Variants in SRRM4 observed in about 807,000 individuals in gnomAD.
SRRM4 encodes the protein serine/arginine repetitive matrix 4.
Under a neutral mutation model 68.9 loss-of-function variants are expected in SRRM4, and 33 were observed. That is an observed-to-expected ratio of 0.48 (90% CI 0.36 to 0.64). The LOEUF (loss-of-function observed/expected upper bound fraction) is 0.64, where lower values mean the gene tolerates loss of function less well. Ranked by LOEUF, SRRM4 falls within the 30% of genes least tolerant of loss-of-function variation. The pLI is 0.00. For synonymous variants in SRRM4, 318 were observed against 318.8 expected (o/e 1.00, Z 0.03); for missense variants, 817 against 827.1 (o/e 0.99, Z 0.15).
chr12:119,057,329 C>T (rs1953783079), intron 1 of SRRM4, among the ~76,000 whole-genome samples: 1 of 152,160 alleles, frequency 6.6e-6, no homozygotes, highest in Non-Finnish European at 1.5e-5. Context: ...ACTAGCTATT[C>T]TTCCTGATGC....
intron 1 of SRRM4, among the ~76,000 whole-genome samples, chr12:119,030,273 C>A (rs762796471): frequency 3.3e-5 from 5 of 152,164 alleles, no homozygotes; most frequent in Non-Finnish European, 7.4e-5. Context: ...AGAACCTCCC[C>A]ACAAGGGAGG....
In SRRM4 at chr12:119,101,980, T is replaced by A. The variant is rs1011691350; in HGVS notation, c.132-256T>A. On this transcript the variant is annotated intron_variant, in intron 1 of 12. Coordinates refer to ENST00000267260, the MANE Select transcript of SRRM4 (RefSeq NM_194286.4). ...CTTTCCTTCATCAAATAGTTTCACCTTTCAGAATGCGTGGACTCTAAAGTC... is the reference window on the plus strand; with the variant it reads ...CTTTCCTTCATCAAATAGTTTCACCATTCAGAATGCGTGGACTCTAAAGTC... Among the ~76,000 whole-genome samples, 6 of 152,312 alleles carry A rather than the reference T, an allele frequency of 3.9e-5. No homozygotes were observed. The East Asian group carries it at 1.2e-3, about 29-fold the overall frequency.
chr12:119,156,894 G>C lies in SRRM4; in HGVS notation c.*96G>C, dbSNP rs1418247907. ...GCCTTCTTGGTGACAAATAGTGAGG[G>C]CTCCTATACCTTGTCCTTCCTGCTT... On this transcript the variant is annotated 3_prime_UTR_variant, in exon 13 of 13. Transcript: ENST00000267260. 7.2e-7 allele frequency: 1 copy of C among 1,393,868 alleles called. No individual in the cohort carries two copies. Among genetic ancestry groups the C allele is most frequent in the East Asian group, 2.5e-5 (1 of 39,778 alleles). The allele number at this position is 1,393,868 out of a possible 1,614,324, so 86.3% of individuals were successfully genotyped here.
rs1021210972 is a variant in SRRM4 at position 119,162,137 on chromosome 12, C to T, written c.*5339C>T. ...GCTCAAGCCCTGATGCTATGGACTC[C>T]ATACTGTTGGATATATTGTCTCTTG... On this transcript the variant is annotated 3_prime_UTR_variant, in exon 13 of 13. Transcript: ENST00000267260. The T allele has an allele frequency of 1.3e-5, 2 of 152,158 alleles. No individual in the cohort carries two copies. The highest frequency in any genetic ancestry group is 1.3e-4 in the Admixed American group (2 of 15,270). 9.4% of individuals were successfully genotyped at this position (152,158 alleles called of 1,614,324 possible).
chr12:118,990,374 G>C (rs915142976), intron 1 of SRRM4, among the ~76,000 whole-genome samples: 1 of 152,170 alleles, frequency 6.6e-6, no homozygotes, highest in Non-Finnish European at 1.5e-5. Flanking sequence ...ACAGACACAC[G>C]TAGATGTGAA....
At chr12:119,127,501 GCAGATCAC>G (rs1181538607) in intron 7 of SRRM4, among the ~76,000 whole-genome samples, 1 of 152,126 alleles carries the variant, frequency 6.6e-6, no homozygotes, top group Non-Finnish European at 1.5e-5. Flanking sequence ...GCCGAGGTGG[GCAGATCAC>G]CTGAGGTCAG....
chr12:118,991,577 C>T (rs143893943), intron 1 of SRRM4: 199 of 152,352 alleles, frequency 1.3e-3, no homozygotes, highest in African/African-American at 4.6e-3. Context: ...ATCTCTTCCC[C>T]CAGATACGCA....
intron 1 of SRRM4, among the ~76,000 whole-genome samples, chr12:119,080,484 A>G (rs879678968): frequency 2.0e-5 from 3 of 152,212 alleles, no homozygotes; most frequent in Admixed American, 6.5e-5. Context: ...GGTTATAAAC[A>G]TTTAAGGTTA....
chr12:119,135,656 A>T (rs934509462), intron 8 of SRRM4, among the ~76,000 whole-genome samples: 1 of 152,110 alleles, frequency 6.6e-6, no homozygotes, highest in Non-Finnish European at 1.5e-5. Flanking sequence ...TGCTAGGCCA[A>T]TTCTTTACAT....
intron 8 of SRRM4, among the ~76,000 whole-genome samples, chr12:119,137,430 A>C (rs931235865): frequency 2.0e-5 from 3 of 152,174 alleles, no homozygotes; most frequent in Admixed American, 6.5e-5. Flanking sequence ...AAAACAATAA[A>C]TAACAGTGCC....
At chr12:119,097,777 C>T (rs1954054559) in intron 1 of SRRM4, among the ~76,000 whole-genome samples, 1 of 152,188 alleles carries the variant, frequency 6.6e-6, no homozygotes, top group Admixed American at 6.5e-5. Flanking sequence ...CACCCCAGGG[C>T]TCTGGCAGTA....
rs1565920914 is a variant in SRRM4, at chr12:119,154,397, G to A, written c.1532+14G>A. 1.9e-6 allele frequency: 3 copies of A among 1,611,304 alleles called. No individual in the cohort carries two copies. Among genetic ancestry groups the A allele is most frequent in the African/African-American group, 2.7e-5 (2 of 75,042 alleles). On this transcript the variant is annotated intron_variant, in intron 12 of 12. Coordinates refer to ENST00000267260, the MANE Select transcript of SRRM4 (RefSeq NM_194286.4). This position sits in a 1 kb window ranked among gnomAD's most constrained non-coding sequence, Gnocchi z 4.7. The stretch of plus-strand genomic sequence containing the variant: ...GAGGATAACCAGGTGAGGCCAGGGG[G>A]CAAGGGGGACCCACCTTCATCCTCG...
chr12:119,048,316 A>C (rs1222900239), intron 1 of SRRM4, among the ~76,000 whole-genome samples: 2 of 152,214 alleles, frequency 1.3e-5, no homozygotes, highest in African/African-American at 4.8e-5. Context: ...CATGAAGGGA[A>C]ATAATTCCCA....
At chr12:119,026,812 C>T (rs1953551835) in intron 1 of SRRM4, among the ~76,000 whole-genome samples, 1 of 152,116 alleles carries the variant, frequency 6.6e-6, no homozygotes, top group Non-Finnish European at 1.5e-5. Flanking sequence ...GCTGGGATTA[C>T]AGGCATGAGC....
chr12:119,062,540 C>G (rs1342355343), intron 1 of SRRM4, among the ~76,000 whole-genome samples: 1 of 152,154 alleles, frequency 6.6e-6, no homozygotes, highest in African/African-American at 2.4e-5. Context: ...TCTTTATATC[C>G]TTATTCTACT....
chr12:119,002,279 T>C (rs1291605471), intron 1 of SRRM4, among the ~76,000 whole-genome samples: 1 of 152,180 alleles, frequency 6.6e-6, no homozygotes, highest in Non-Finnish European at 1.5e-5. Context: ...AGTTACCTGC[T>C]CTGACGGTTT....
At chr12:119,019,151 G>A (rs1198709504) in intron 1 of SRRM4, among the ~76,000 whole-genome samples, 1 of 152,186 alleles carries the variant, frequency 6.6e-6, no homozygotes, top group African/African-American at 2.4e-5. Context: ...GAGAGGATCT[G>A]ATCGGTAAAC....
chr12:119,094,861 T>A lies in SRRM4; in HGVS notation c.132-7375T>A, dbSNP rs7314733. ...ACAATGTCTTGGTTACTTTTGGGTC[T>A]TTGAAATCTGATACTAAGTAGGTGT... is the stretch of plus-strand genomic sequence containing the variant. On this transcript the variant is annotated intron_variant, in intron 1 of 12. Coordinates refer to ENST00000267260, the MANE Select transcript of SRRM4 (RefSeq NM_194286.4). Among the ~76,000 whole-genome samples the A allele has an allele frequency of 2.2e-3, 331 of 152,228 alleles. 1 individual carries two copies. Among genetic ancestry groups the A allele is most frequent in the African/African-American group, 7.7e-3 (320 of 41,544 alleles).
At chr12:119,145,734 C>T (rs752450869) in intron 9 of SRRM4, 49 bp downstream of exon 9, 6 of 1,417,400 alleles carry the variant, frequency 4.2e-6, no homozygotes, top group Admixed American at 2.9e-5. Context: ...CACCTTAGCT[C>T]CACCTTCTCA....
Sources: allele counts gnomAD v4.1 joint callset (sites outside exome capture counted in the v4.1 genomes callset), GRCh38; gene constraint gnomAD v4.1.1; non-coding constraint Gnocchi (gnomAD v3.1); transcripts MANE v1.5; gene names NCBI Gene and HGNC (gene_info 2026-07-23, HGNC 2026-07-21).